Variants in LYPLAL1 observed in about 807,000 individuals in gnomAD.
The protein encoded by LYPLAL1 is lysophospholipase like 1.
LYPLAL1 carries 23 observed loss-of-function variants against 19.7 expected under a neutral mutation model. The observed-to-expected ratio is 1.17, with a 90% CI of 0.84 to 1.65. LYPLAL1 has a LOEUF of 1.65. Ranked by LOEUF, LYPLAL1 falls within the 40% of genes most tolerant of loss-of-function variation. The pLI, the probability that LYPLAL1 is intolerant of heterozygous loss-of-function variation, is 0.00. For synonymous variants in LYPLAL1, 119 were observed against 96.3 expected (o/e 1.24, Z -1.38); for missense variants, 355 against 279.4 (o/e 1.27, Z -1.93).
At chr1:219,230,374 G>T in the LYPLAL1 span, among the ~76,000 whole-genome samples, 4 of 152,184 alleles carry the variant, frequency 2.6e-5, no homozygotes, top group Admixed American at 2.0e-4. Flanking sequence ...GTCTCCCAAA[G>T]TTCTGGGATT....
At chr1:219,230,093 A>G in the LYPLAL1 span, among the ~76,000 whole-genome samples, 2 of 152,190 alleles carry the variant, frequency 1.3e-5, no homozygotes, top group Admixed American at 6.5e-5. Context: ...TCACTATTCA[A>G]CAACTTAAAA....
chr1:219,189,353 T>C (rs76235217), intron 2 of LYPLAL1, among the ~76,000 whole-genome samples: 2,455 of 151,806 alleles, frequency 0.016, 20 homozygotes, highest in Non-Finnish European at 0.023. Flanking sequence ...TATTTTGATT[T>C]AGAACTTCAC....
At chr1:219,373,320 T>C in the LYPLAL1 span, among the ~76,000 whole-genome samples, 1 of 152,164 alleles carries the variant, frequency 6.6e-6, no homozygotes, top group Non-Finnish European at 1.5e-5. Context: ...GTCAAGATAG[T>C]CGTGGTAGCT....
At chr1:219,441,355 A>G in the LYPLAL1 span, among the ~76,000 whole-genome samples, 1 of 152,224 alleles carries the variant, frequency 6.6e-6, no homozygotes, top group Non-Finnish European at 1.5e-5. Context: ...GAGATAAAGA[A>G]TTAACATTTT....
the LYPLAL1 span, chr1:219,272,456 G>A: frequency 6.6e-6 from 1 of 152,328 alleles, no homozygotes; most frequent in Non-Finnish European, 1.5e-5. Context: ...TGCTGCTTTA[G>A]TCTAGGTTAG....
chr1:219,336,593 C>A, the LYPLAL1 span, among the ~76,000 whole-genome samples: 11 of 151,908 alleles, frequency 7.2e-5, no homozygotes, highest in African/African-American at 2.7e-4. Context: ...CTTGGGCCAG[C>A]AAAAGTACAA....
chr1:219,180,261 C>A (rs1485587874), intron 2 of LYPLAL1, among the ~76,000 whole-genome samples: 1 of 152,208 alleles, frequency 6.6e-6, no homozygotes, highest in East Asian at 1.9e-4. Context: ...GCTGGAATTA[C>A]AGGCATGAGG....
the LYPLAL1 span, among the ~76,000 whole-genome samples, chr1:219,332,680 ACTTATTT>A: frequency 1.3e-5 from 2 of 151,982 alleles, no homozygotes; most frequent in East Asian, 3.9e-4. Flanking sequence ...TGAAGAGAAG[ACTTATTT>A]CTTATTACTG....
chr1:219,235,094 G>A, the LYPLAL1 span, among the ~76,000 whole-genome samples: 2 of 152,008 alleles, frequency 1.3e-5, no homozygotes, highest in African/African-American at 4.8e-5. Flanking sequence ...AATTCACTTT[G>A]ACCAAGATAT....
the LYPLAL1 span, among the ~76,000 whole-genome samples, chr1:219,336,658 A>G: frequency 6.6e-6 from 1 of 151,974 alleles, no homozygotes; most frequent in Non-Finnish European, 1.5e-5. Flanking sequence ...TATTATTCCT[A>G]CAACTAGTAT....
chr1:219,323,091 T>G, the LYPLAL1 span, among the ~76,000 whole-genome samples: 18 of 152,198 alleles, frequency 1.2e-4, no homozygotes, highest in Non-Finnish European at 2.2e-4. Flanking sequence ...AAGACCTAAC[T>G]GAACTGTTAA....
chr1:219,408,979 A>G, the LYPLAL1 span, among the ~76,000 whole-genome samples: 1 of 152,236 alleles, frequency 6.6e-6, no homozygotes, highest in African/African-American at 2.4e-5. Flanking sequence ...TGATGAAACA[A>G]TGTTATTGTG....
At chr1:219,179,753 A>G (rs1656119121) in intron 2 of LYPLAL1, among the ~76,000 whole-genome samples, 2 of 152,240 alleles carry the variant, frequency 1.3e-5, no homozygotes, top group Admixed American at 1.3e-4. Context: ...CTTAATAAAT[A>G]TTTAGGTTAT....
chr1:219,299,482 G>T, the LYPLAL1 span, among the ~76,000 whole-genome samples: 3 of 152,232 alleles, frequency 2.0e-5, no homozygotes, highest in African/African-American at 4.8e-5. Context: ...GTGAGAGCAT[G>T]AATACTGGTG....
At chr1:219,390,749 T>C in the LYPLAL1 span, among the ~76,000 whole-genome samples, 2 of 152,230 alleles carry the variant, frequency 1.3e-5, no homozygotes, top group Admixed American at 1.3e-4. Flanking sequence ...TTTATTTATA[T>C]GACTTGCATG....
the LYPLAL1 span, among the ~76,000 whole-genome samples, chr1:219,329,940 T>C: frequency 3.1e-3 from 465 of 152,228 alleles, 3 homozygotes; most frequent in African/African-American, 0.011. Flanking sequence ...CTTTTGACCT[T>C]CTTTCTTTCT....
chr1:219,186,307 C>T (rs563873479), intron 2 of LYPLAL1, among the ~76,000 whole-genome samples: 15 of 151,842 alleles, frequency 9.9e-5, no homozygotes, highest in African/African-American at 2.4e-5. Context: ...CTGCGTGTCA[C>T]GTTCTATAAA....
the LYPLAL1 span, among the ~76,000 whole-genome samples, chr1:219,356,494 C>T: frequency 2.0e-5 from 3 of 151,960 alleles, no homozygotes; most frequent in South Asian, 2.1e-4. Flanking sequence ...AGTGATATGC[C>T]GTCTCAACAA....
At chr1:219,285,397 T>A in the LYPLAL1 span, among the ~76,000 whole-genome samples, 1 of 152,200 alleles carries the variant, frequency 6.6e-6, no homozygotes, top group Non-Finnish European at 1.5e-5. Flanking sequence ...TGTGTTTATA[T>A]CACTAGAGGG....
Sources: gnomAD v4.1 joint callset for allele counts (sites outside exome capture counted in the v4.1 genomes callset) on GRCh38, gnomAD v4.1.1 for gene constraint, MANE v1.5 for transcripts, NCBI Gene and HGNC (gene_info 2026-07-23, HGNC 2026-07-21) for gene names.